Variants in UNC13B observed in about 807,000 individuals in gnomAD.
The protein encoded by UNC13B is unc-13 homolog B, also known as protein unc-13 homolog B.
Under a neutral mutation model 211.0 loss-of-function variants are expected in UNC13B, and 144 were observed. The ratio of observed to expected loss-of-function variants is 0.68; its 90% CI spans 0.60 to 0.78. UNC13B has a LOEUF of 0.78. UNC13B is among the 30% of genes least tolerant of loss of function. UNC13B has a pLI of 0.00. For synonymous variants in UNC13B, 709 were observed against 725.8 expected (o/e 0.98, Z 0.37); for missense variants, 1,777 against 2,002.0 (o/e 0.89, Z 2.14).
chr9:35,217,146 C>T (rs1474488488), intron 1 of UNC13B, among the ~76,000 whole-genome samples: 1 of 152,130 alleles, frequency 6.6e-6, no homozygotes, highest in African/African-American at 2.4e-5. Flanking sequence ...GAACTACGCA[C>T]ACACATCAGG....
rs2132403489 is a variant in UNC13B, at chr9:35,403,763, G to A, written c.12753G>A (p.Glu4251=). The part of the protein sequence containing the change: ...NETFHFLLGN[E]EGPESYELQI... ...GTGCTCACAGCCTCCTGGGAAATGA[G>A]GAGGGGCCCGAGTCCTATGAGTTGC... Residue 4251 remains glutamate (E), a synonymous_variant, in exon 40 of 40, where the codon GAG becomes GAA. Coordinates refer to ENST00000635942, the MANE Select transcript of UNC13B (RefSeq NM_001371189.2). The A allele has an allele frequency of 6.2e-7, 1 of 1,614,062 alleles. No individual in the cohort carries two copies. Among genetic ancestry groups the A allele is most frequent in the East Asian group, 2.2e-5 (1 of 44,876 alleles).
chr9:35,351,649 C>T, intron 11 of UNC13B: 1 of 1,232,268 alleles, frequency 8.1e-7, no homozygotes, highest in South Asian at 4.1e-5. Flanking sequence ...AATCCTCTGG[C>T]CCTGCTGGAT....
intron 11 of UNC13B, among the ~76,000 whole-genome samples, chr9:35,333,078 A>G (rs1485741019): frequency 1.3e-5 from 2 of 152,078 alleles, no homozygotes; most frequent in East Asian, 3.8e-4. Flanking sequence ...GTTTACATGG[A>G]TGTAAAAGTA....
chr9:35,329,775 G>C (rs569213759), intron 11 of UNC13B, among the ~76,000 whole-genome samples: 13 of 152,060 alleles, frequency 8.5e-5, no homozygotes, highest in Non-Finnish European at 1.9e-4. Context: ...ACCACGCCTG[G>C]TCAAAAATAA....
At chr9:35,366,471 A>C (rs1263992559) in intron 11 of UNC13B, among the ~76,000 whole-genome samples, 1 of 152,106 alleles carries the variant, frequency 6.6e-6, no homozygotes, top group East Asian at 1.9e-4. Context: ...ACCCAAACTA[A>C]ATCCAACCAC....
chr9:35,384,404 GC>G, intron 22 of UNC13B, 90 bp downstream of exon 22: 1 of 1,528,798 alleles, frequency 6.5e-7, no homozygotes, highest in Non-Finnish European at 8.8e-7. Flanking sequence ...AAAGATTGAG[GC>G]CAGGGAAAAC....
At chr9:35,371,622 C>T (rs1460346766) in intron 13 of UNC13B, among the ~76,000 whole-genome samples, 2 of 152,070 alleles carry the variant, frequency 1.3e-5, no homozygotes, top group African/African-American at 4.8e-5. Context: ...CTTCTTCCTA[C>T]TTTTTTTCCT....
At chr9:35,355,804 T>C (rs1289291036) in intron 11 of UNC13B, among the ~76,000 whole-genome samples, 1 of 152,136 alleles carries the variant, frequency 6.6e-6, no homozygotes, top group Non-Finnish European at 1.5e-5. Context: ...TCCCAGGCAA[T>C]GAGAAATTAT....
intron 11 of UNC13B, chr9:35,342,306 T>C (rs1832052047): frequency 1.0e-6 from 1 of 985,724 alleles, no homozygotes; most frequent in Admixed American, 6.1e-5. Context: ...AATTTTTTTT[T>C]TTAATTTCCT....
intron 11 of UNC13B, among the ~76,000 whole-genome samples, chr9:35,341,226 A>G (rs181199176): frequency 7.7e-4 from 117 of 152,232 alleles, no homozygotes; most frequent in Middle Eastern, 3.4e-3. Context: ...CAGCTCACCT[A>G]ACTTCCCCTC....
chr9:35,275,351 T>C (rs541227807), intron 7 of UNC13B, among the ~76,000 whole-genome samples: 2 of 152,334 alleles, frequency 1.3e-5, no homozygotes, highest in South Asian at 4.1e-4. Flanking sequence ...TAATTAAAAT[T>C]AATTCATTTA....
At chr9:35,372,330 T>C (rs1432487046) in intron 13 of UNC13B, among the ~76,000 whole-genome samples, 1 of 152,246 alleles carries the variant, frequency 6.6e-6, no homozygotes, top group Non-Finnish European at 1.5e-5. Context: ...CCTTCCCAGC[T>C]GTTCCTCCTG....
chr9:35,223,899 G>C (rs868021912), intron 1 of UNC13B, among the ~76,000 whole-genome samples: 1 of 152,010 alleles, frequency 6.6e-6, no homozygotes, highest in Admixed American at 6.6e-5. Context: ...ACCATTTATT[G>C]AAGATATTAT....
Position 35,300,364 on chromosome 9 carries a change from C to A in UNC13B, c.960C>A (p.Tyr320Ter), listed in dbSNP as rs528401847. The change falls in exon 9 of 40, where the codon TAC becomes TAA. Residue 320 changes from tyrosine (Y) to a stop codon, truncating the protein, a stop_gained. Coordinates refer to ENST00000635942, the MANE Select transcript of UNC13B (RefSeq NM_001371189.2). LOFTEE classifies it high-confidence loss of function. ...AAAATATGGGGTACCCAGTTTTGTA[C>A]CCCTACAAAAATGGATTTGTGGTTA... ...KKQNMGYPVL[Y>*]PYKNGFVVKS... The A allele has an allele frequency of 1.5e-5, 6 of 398,810 alleles. No homozygotes were observed. The highest frequency in any genetic ancestry group is 1.0e-4 in the African/African-American group (5 of 48,626). The allele number at this position is 398,810 out of a possible 1,614,324, so 24.7% of individuals were successfully genotyped here. A position where few individuals can be genotyped will look rare whatever the true frequency, so the allele number is the denominator to read the frequency against.
Position 35,310,760 on chromosome 9 carries a change from A to G in UNC13B, c.9302A>G (p.His3101Arg), listed in dbSNP as rs768888400. The change falls in exon 10 of 40, where the codon CAC becomes CGC. Residue 3101 changes from histidine (H) to arginine (R), a missense_variant. Physicochemically the swap from His to Arg is conservative, Grantham distance 29. Transcript: ENST00000635942. ...CCAGATCTGGTGCTGCAAAAAGACC[A>G]CTTCCTAGGTCCCCAGGAGAGGTAG... ...PPPDLVLQKD[H>R]FLGPQESFPE... 10 of 1,613,564 alleles carry G rather than the reference A, an allele frequency of 6.2e-6. No individual in the cohort carries two copies. Among genetic ancestry groups the G allele is most frequent in the East Asian group, 4.5e-5 (2 of 44,860 alleles).
intron 4 of UNC13B, 37 bp downstream of exon 4, chr9:35,236,623 C>T: frequency 1.3e-6 from 2 of 1,545,964 alleles, no homozygotes; most frequent in Non-Finnish European, 1.8e-6. Context: ...AGTATGGTTC[C>T]CAGCCCATGC....
At chr9:35,203,413 T>C (rs1463545019) in intron 1 of UNC13B, among the ~76,000 whole-genome samples, 1 of 152,226 alleles carries the variant, frequency 6.6e-6, no homozygotes, top group Non-Finnish European at 1.5e-5. Flanking sequence ...CCTTCACTTA[T>C]GAAGCTTAGT....
intron 7 of UNC13B, among the ~76,000 whole-genome samples, chr9:35,280,079 A>G (rs904520396): frequency 7.9e-5 from 12 of 152,102 alleles, no homozygotes; most frequent in African/African-American, 2.9e-4. Flanking sequence ...TTCTGCTTAC[A>G]TGTTAATTTT....
At chr9:35,167,754 A>ATTTT (rs765603183) in intron 1 of UNC13B, among the ~76,000 whole-genome samples, 1 of 115,682 alleles carries the variant, frequency 8.6e-6, no homozygotes, top group African/African-American at 3.3e-5. Flanking sequence ...TGCCTGGCTA[A>ATTTT]TTTTTTTTTT....
Sources: gnomAD v4.1 joint callset for allele counts (sites outside exome capture counted in the v4.1 genomes callset) on GRCh38, gnomAD v4.1.1 for gene constraint, MANE v1.5 for transcripts, NCBI Gene and HGNC (gene_info 2026-07-23, HGNC 2026-07-21) for gene names.